AGBL1: variants seen among roughly 807,000 people sequenced by gnomAD.
AGBL1 encodes the protein AGBL carboxypeptidase 1.
In AGBL1, 130 loss-of-function variants were observed where a neutral mutation model predicts 118.9. That is an observed-to-expected ratio of 1.09 (90% CI 0.95 to 1.26). AGBL1 has a LOEUF of 1.26. Ranked by LOEUF, AGBL1 falls within the 50% of genes most tolerant of loss-of-function variation. The probability of loss-of-function intolerance (pLI) is 0.00; values close to 1 mark genes in which losing one functional copy is unlikely to be tolerated. For synonymous variants in AGBL1, 555 were observed against 478.9 expected, an observed-to-expected ratio of 1.16 and a Z score of -2.08; for missense variants, 1,584 against 1,298.1, an observed-to-expected ratio of 1.22 and a Z score of -3.38.
chr15:86,117,370 G>A (rs1897829884), intron 1 of AGBL1, among the ~76,000 whole-genome samples: 1 of 152,100 alleles, frequency 6.6e-6, no homozygotes. Flanking sequence ...GAAGAAGTCT[G>A]AGTGTGTAAG....
intron 22 of AGBL1, among the ~76,000 whole-genome samples, chr15:86,812,893 T>TTA (rs946339379): frequency 2.6e-5 from 4 of 152,018 alleles, no homozygotes; most frequent in South Asian, 2.1e-4. Flanking sequence ...ATATTTGCAG[T>TTA]TATATATATA....
At chr15:86,369,404 C>T (rs2080937471) in intron 17 of AGBL1, among the ~76,000 whole-genome samples, 2 of 151,946 alleles carry the variant, frequency 1.3e-5, no homozygotes, top group Non-Finnish European at 2.9e-5. Flanking sequence ...AAGAAAACCA[C>T]TAAAGTCAAG....
chr15:86,808,045 G>C (rs889732052), intron 22 of AGBL1, among the ~76,000 whole-genome samples: 1 of 152,036 alleles, frequency 6.6e-6, no homozygotes. Context: ...ATGAGTTAGA[G>C]GAGGATTAAA....
intron 5 of AGBL1, among the ~76,000 whole-genome samples, chr15:86,174,378 T>A (rs570766159): frequency 3.8e-4 from 58 of 152,098 alleles, no homozygotes; most frequent in Non-Finnish European, 7.9e-4. Flanking sequence ...TATAATAAGA[T>A]CACGTTATAT....
At chr15:86,159,137 C>T (rs958388128) in intron 5 of AGBL1, 111 bp downstream of exon 5, 10 of 981,812 alleles carry the variant, frequency 1.0e-5, no homozygotes, top group Middle Eastern at 2.1e-4. Flanking sequence ...GTCATTTCTC[C>T]TTTGGAAATA....
chr15:86,557,989 G>A (rs116137513), intron 21 of AGBL1, among the ~76,000 whole-genome samples: 3,184 of 152,042 alleles, frequency 0.021, 53 homozygotes, highest in Middle Eastern at 0.065. Context: ...AAAATGTGTG[G>A]GTGAAAGAAG....
chr15:86,488,499 A>G (rs575191697), intron 18 of AGBL1, among the ~76,000 whole-genome samples: 1 of 152,196 alleles, frequency 6.6e-6, no homozygotes, highest in Admixed American at 6.5e-5. Flanking sequence ...GTACCAGGAC[A>G]TTAGACTCAG....
rs574493823 is a variant in AGBL1 at position 86,208,936 on chromosome 15, T to A, written c.489-15978T>A. The stretch of plus-strand genomic sequence containing the variant: ...GTGTCGATTTTAGATCTTTCCTGCT[T>A]TCTCTTGTGGGCATTTAGTGCTACA... On this transcript the variant is annotated intron_variant, in intron 5 of 22. Coordinates refer to ENST00000614907, the MANE Select transcript of AGBL1 (RefSeq NM_001386094.1). Among the ~76,000 whole-genome samples, 175 of 152,352 alleles carry A rather than the reference T, an allele frequency of 1.1e-3. 2 individuals carry two copies. The highest frequency in any genetic ancestry group is 3.4e-3 in the Middle Eastern group (1 of 294).
At chr15:86,142,314 G>T (rs886214509) in intron 2 of AGBL1, among the ~76,000 whole-genome samples, 3 of 152,152 alleles carry the variant, frequency 2.0e-5, no homozygotes, top group East Asian at 1.9e-4. Context: ...GTAACCCTCC[G>T]TGGTTCTACC....
At chr15:86,542,511 C>A (rs140230133) in intron 19 of AGBL1, among the ~76,000 whole-genome samples, 1 of 151,622 alleles carries the variant, frequency 6.6e-6, no homozygotes, top group Non-Finnish European at 1.5e-5. Flanking sequence ...GGATTACAGG[C>A]GCATGCCACC....
intron 22 of AGBL1, among the ~76,000 whole-genome samples, chr15:86,803,446 C>T (rs2078677433): frequency 6.6e-6 from 1 of 152,058 alleles, no homozygotes; most frequent in Admixed American, 6.6e-5. Flanking sequence ...TATAAATTAC[C>T]CAGTCTTAGT....
intron 20 of AGBL1, among the ~76,000 whole-genome samples, chr15:86,553,495 A>G (rs2083690690): frequency 6.6e-6 from 1 of 152,184 alleles, no homozygotes. Context: ...CAAGCCTCAG[A>G]TTTTTGGCTT....
At chr15:86,102,981 A>G (rs1196908444) in intron 1 of AGBL1, among the ~76,000 whole-genome samples, 1 of 152,132 alleles carries the variant, frequency 6.6e-6, no homozygotes, top group Non-Finnish European at 1.5e-5. Context: ...GGTGTCTCAT[A>G]TGTCATGTAG....
intron 22 of AGBL1, among the ~76,000 whole-genome samples, chr15:86,867,004 G>A (rs2079641229): frequency 6.6e-6 from 1 of 152,204 alleles, no homozygotes; most frequent in Non-Finnish European, 1.5e-5. Context: ...GCAAGGGCAT[G>A]AGTTGAGATG....
chr15:86,121,452 C>T (rs954280465), intron 1 of AGBL1, among the ~76,000 whole-genome samples: 11 of 152,076 alleles, frequency 7.2e-5, no homozygotes, highest in African/African-American at 1.9e-4. Context: ...CTAAGAGGGA[C>T]CTTATTTAAG....
intron 18 of AGBL1, among the ~76,000 whole-genome samples, chr15:86,424,930 A>G (rs1046889043): frequency 3.9e-5 from 6 of 152,216 alleles, no homozygotes; most frequent in Non-Finnish European, 8.8e-5. Flanking sequence ...GCATGCTTTT[A>G]CACTGTTGGT....
chr15:86,589,010 T>A (rs1281554239), intron 21 of AGBL1, among the ~76,000 whole-genome samples: 3 of 151,930 alleles, frequency 2.0e-5, no homozygotes, highest in Non-Finnish European at 4.4e-5. Context: ...CTTTTCAGAA[T>A]CTTCATATAT....
chr15:86,893,039 TG>T (rs1342095782), intron 22 of AGBL1, among the ~76,000 whole-genome samples: 6 of 152,128 alleles, frequency 3.9e-5, no homozygotes, highest in Non-Finnish European at 8.8e-5. Flanking sequence ...TAGCAGGGTG[TG>T]GGCAATGCTG....
chr15:86,818,393 C>A (rs1180042982), intron 22 of AGBL1, among the ~76,000 whole-genome samples: 1 of 152,154 alleles, frequency 6.6e-6, no homozygotes, highest in Non-Finnish European at 1.5e-5. Flanking sequence ...GGAGTGCAAA[C>A]CCTATTGTGA....
Sources: allele counts gnomAD v4.1 joint callset (sites outside exome capture counted in the v4.1 genomes callset), GRCh38; gene constraint gnomAD v4.1.1; transcripts MANE v1.5; gene names NCBI Gene and HGNC (gene_info 2026-07-23, HGNC 2026-07-21).